Variants in CHD7 observed in about 807,000 individuals in gnomAD.
CHD7 encodes chromodomain helicase DNA binding protein 7.
Under a neutral mutation model 307.3 loss-of-function variants are expected in CHD7, and 24 were observed. That is an observed-to-expected ratio of 0.08 (90% confidence interval 0.06 to 0.11). CHD7 has a LOEUF of 0.11. Among genes scored for constraint, CHD7 ranks in the 10% least tolerant of loss-of-function variants. The pLI is 1.00. For missense variants in CHD7, 3,106 were observed against 3,727.1 expected (o/e 0.83, Z 4.34); for synonymous variants, 1,363 against 1,349.9 (o/e 1.01, Z -0.21).
At chr8:60,824,086 C>T (rs754972131) in intron 13 of CHD7, 70 bp downstream of exon 13, 1 of 1,366,058 alleles carries the variant, frequency 7.3e-7, no homozygotes, top group East Asian at 2.3e-5. Context: ...TCCCGTTGCT[C>T]AGAATTTGAT....
chr8:60,804,690 G>T lies in CHD7; in HGVS notation c.2442+3097G>T, dbSNP rs573791938. Among the ~76,000 whole-genome samples, 4 of 152,056 alleles carry T rather than the reference G, an allele frequency of 2.6e-5. No homozygotes were observed. The South Asian group carries it at 8.3e-4, about 32-fold the overall frequency. ...ATTTGACAGAGTGTTCTGTTTTTTTGCTCTGTATTTTAGTTTCTTGACTGT... is the reference window on the plus strand; with the variant it reads ...ATTTGACAGAGTGTTCTGTTTTTTTTCTCTGTATTTTAGTTTCTTGACTGT... On this transcript the variant is annotated intron_variant, in intron 6 of 37. Coordinates refer to ENST00000423902, the MANE Select transcript of CHD7 (RefSeq NM_017780.4).
intron 1 of CHD7, among the ~76,000 whole-genome samples, chr8:60,687,104 C>T (rs1360036817): frequency 6.6e-6 from 1 of 152,184 alleles, no homozygotes; most frequent in Non-Finnish European, 1.5e-5. Context: ...AGAAATCTGT[C>T]TGTTGATATT....
chr8:60,767,827 A>C (rs143124382), intron 2 of CHD7, among the ~76,000 whole-genome samples: 10 of 152,308 alleles, frequency 6.6e-5, no homozygotes, highest in Admixed American at 4.6e-4. Context: ...ACATGAATGA[A>C]GTTTTTATAC....
In CHD7 at chr8:60,822,762, T is replaced by G. The variant is rs763268960; in HGVS notation, c.3201+16T>G. The G allele has an allele frequency of 4.4e-6, 7 of 1,594,222 alleles. No homozygotes were observed. In the African/African-American group the frequency reaches 5.4e-5, roughly 12 times the overall value. ...AGATCCCCAGGTAAACCTTCACAGG[T>G]TGTATTCTTTGTACTTACTCTGTGC... is the stretch of plus-strand genomic sequence containing the variant. On this transcript the variant is annotated intron_variant, in intron 12 of 37. Transcript: ENST00000423902.
In CHD7 at chr8:60,837,810, G is replaced by A. The variant is rs1333684435; in HGVS notation, c.4328G>A (p.Ser1443Asn). 3 of 1,613,418 alleles carry A rather than the reference G, an allele frequency of 1.9e-6. No homozygotes were observed. Among genetic ancestry groups the A allele is most frequent in the South Asian group, 1.1e-5 (1 of 91,016 alleles). Residue 1443 changes from serine to asparagine, a missense_variant, in exon 18 of 38, where the codon AGT becomes AAT. Transcript: ENST00000423902. ...GLDKAVLQSMSGRENATNGVQ... is the reference protein window; with the variant it reads ...GLDKAVLQSMNGRENATNGVQ... ...GATAAAGCTGTGCTACAGTCTATGA[G>A]TGGAAGAGAAAATGCTACCAATGGG... is the stretch of plus-strand genomic sequence containing the variant.
Position 60,830,414 on chromosome 8 carries a change from T to C in CHD7, c.3615T>C (p.Ile1205=). 6.2e-7 allele frequency: 1 copy of C among 1,614,026 alleles called. No homozygotes were observed. Among genetic ancestry groups the C allele is most frequent in the Non-Finnish European group, 8.5e-7 (1 of 1,179,892 alleles). The part of the protein sequence containing the change: ...EKNLAPKEET[I]IEVELTNIQK... The stretch of plus-strand genomic sequence containing the variant: ...ACTTGGCCCCCAAAGAAGAAACTAT[T>C]ATTGAAGTTGAGCTAACAAACATTC... Residue 1205 remains isoleucine (I), a synonymous_variant, in exon 15 of 38, where the codon ATT becomes ATC. Transcript: ENST00000423902.
At chr8:60,738,057 G>A (rs1808796315) in intron 1 of CHD7, among the ~76,000 whole-genome samples, 1 of 152,120 alleles carries the variant, frequency 6.6e-6, no homozygotes. Context: ...TATTACCCAG[G>A]TGATAATTAT....
At chr8:60,766,073 C>T (rs969802175) in intron 2 of CHD7, among the ~76,000 whole-genome samples, 2 of 152,244 alleles carry the variant, frequency 1.3e-5, no homozygotes, top group Admixed American at 6.5e-5. Flanking sequence ...ACAGTGCACA[C>T]CTGCTTATCA....
At chr8:60,768,340 T>C (rs1363635299) in intron 2 of CHD7, among the ~76,000 whole-genome samples, 1 of 152,212 alleles carries the variant, frequency 6.6e-6, no homozygotes, top group Non-Finnish European at 1.5e-5. Flanking sequence ...CATCTTGAGT[T>C]GTTTTCCCAT....
intron 1 of CHD7, among the ~76,000 whole-genome samples, chr8:60,706,468 T>G (rs1034170124): frequency 2.6e-5 from 4 of 152,216 alleles, no homozygotes; most frequent in African/African-American, 4.8e-5. Flanking sequence ...GAACAATGTC[T>G]GAACAGTGTA....
At chr8:60,788,752 G>A (rs1265216352) in intron 3 of CHD7, among the ~76,000 whole-genome samples, 1 of 152,128 alleles carries the variant, frequency 6.6e-6, no homozygotes, top group Non-Finnish European at 1.5e-5. Flanking sequence ...TGGGGCCTTC[G>A]CCAAAAGGGT....
intron 1 of CHD7, among the ~76,000 whole-genome samples, chr8:60,682,826 A>G (rs1278244719): frequency 2.6e-5 from 4 of 152,246 alleles, no homozygotes; most frequent in African/African-American, 9.6e-5. Context: ...TCGAATATAA[A>G]TGTGGCATTG....
At chr8:60,822,216 T>TA (rs944392142) in intron 11 of CHD7, 71 bp downstream of exon 11, 17 of 1,370,066 alleles carry the variant, frequency 1.2e-5, no homozygotes, top group African/African-American at 8.8e-5. Flanking sequence ...TTGAAAATAA[T>TA]AAAAAAGAAC....
In CHD7 at chr8:60,741,478, A is replaced by G. The variant is rs867440888; in HGVS notation, c.46A>G (p.Ile16Val). 2 of 1,611,906 alleles carry G rather than the reference A, an allele frequency of 1.2e-6. No homozygotes were observed. Among genetic ancestry groups the G allele is most frequent in the African/African-American group, 2.7e-5 (2 of 74,874 alleles). The change falls in exon 2 of 38, where the codon ATT becomes GTT. Residue 16 changes from isoleucine (I) to valine (V), a missense_variant. Physicochemically the swap from Ile to Val is conservative, Grantham distance 29 (BLOSUM62 3). This residue lies in a region of CHD7 where 998 missense variants were observed against 1,004.5 expected (regional missense o/e 0.99). Coordinates refer to ENST00000423902, the MANE Select transcript of CHD7 (RefSeq NM_017780.4). ...MMSLFGEDGNIFSEGLEGLGE... is the reference protein window; with the variant it reads ...MMSLFGEDGNVFSEGLEGLGE... ...GAGTCTTTTTGGCGAGGATGGGAAT[A>G]TTTTCAGTGAAGGTCTTGAAGGCCT...
At chr8:60,784,960 T>G (rs1435135988) in intron 3 of CHD7, among the ~76,000 whole-genome samples, 3 of 152,224 alleles carry the variant, frequency 2.0e-5, no homozygotes, top group African/African-American at 7.2e-5. Flanking sequence ...TTCTCCCCAG[T>G]TGTCCTTACA....
chr8:60,753,960 G>A (rs1030649894), intron 2 of CHD7, among the ~76,000 whole-genome samples: 28 of 152,062 alleles, frequency 1.8e-4, no homozygotes, highest in African/African-American at 5.6e-4. Context: ...AGCTCCCCAC[G>A]TCAAAGAGCC....
At chr8:60,713,401 C>T (rs563975522) in intron 1 of CHD7, among the ~76,000 whole-genome samples, 1 of 137,816 alleles carries the variant, frequency 7.3e-6, no homozygotes, top group East Asian at 2.4e-4. Flanking sequence ...TGAGCCACTG[C>T]GCCCGGCCAG....
intron 7 of CHD7, among the ~76,000 whole-genome samples, chr8:60,811,898 A>T (rs1002071230): frequency 6.6e-6 from 1 of 152,162 alleles, no homozygotes; most frequent in Non-Finnish European, 1.5e-5. Flanking sequence ...TGAGGTTTTA[A>T]TTAGCATTTT....
At chr8:60,834,400 A>G (rs1243818203) in intron 15 of CHD7, among the ~76,000 whole-genome samples, 1 of 152,236 alleles carries the variant, frequency 6.6e-6, no homozygotes, top group Admixed American at 6.5e-5. Context: ...TACAACAAGA[A>G]TACACTTGAA....
Sources: gnomAD v4.1 joint callset for allele counts (sites outside exome capture counted in the v4.1 genomes callset) on GRCh38, gnomAD v4.1.1 for gene constraint, gnomAD v4.1.1 regional missense constraint, MANE v1.5 for transcripts, NCBI Gene and HGNC (gene_info 2026-07-23, HGNC 2026-07-21) for gene names.